AGBL4: variants seen among roughly 807,000 people sequenced by gnomAD.
AGBL4 encodes cytosolic carboxypeptidase 6.
In AGBL4, 58 loss-of-function variants were observed where a neutral mutation model predicts 66.4. The observed-to-expected ratio is 0.87, with a 90% CI of 0.71 to 1.09. The LOEUF (loss-of-function observed/expected upper bound fraction) is 1.09, where lower values mean the gene tolerates loss of function less well. Among genes scored for constraint, AGBL4 ranks in the 50% least tolerant of loss-of-function variants. AGBL4 has a pLI of 0.00. For missense variants in AGBL4, 579 were observed against 631.0 expected, an observed-to-expected ratio of 0.92 and a Z score of 0.88; for synonymous variants, 234 against 222.9, an observed-to-expected ratio of 1.05 and a Z score of -0.44.
At chr1:49,222,220 A>G (rs1451516777) in intron 4 of AGBL4, among the ~76,000 whole-genome samples, 1 of 152,108 alleles carries the variant, frequency 6.6e-6, no homozygotes, top group Non-Finnish European at 1.5e-5. Context: ...TTATTCCACA[A>G]AGCATTTTAG....
At chr1:48,867,292 A>AG in intron 5 of AGBL4, 62 bp from the exon 6 acceptor site, 1 of 1,551,878 alleles carries the variant, frequency 6.4e-7, no homozygotes, top group South Asian at 1.1e-5. Flanking sequence ...TGTGCTTAGC[A>AG]GGTCAGGGCG....
chr1:49,040,054 T>G (rs1340231395), intron 5 of AGBL4, among the ~76,000 whole-genome samples: 1 of 152,058 alleles, frequency 6.6e-6, no homozygotes, highest in African/African-American at 2.4e-5. Flanking sequence ...AAGACAGGCA[T>G]GGTTTGGAGG....
At chr1:49,988,444 C>A (rs1198372371) in intron 1 of AGBL4, among the ~76,000 whole-genome samples, 1 of 152,160 alleles carries the variant, frequency 6.6e-6, no homozygotes, top group Admixed American at 6.5e-5. Context: ...CTTTGCAGAG[C>A]TGCAATAGAG....
intron 5 of AGBL4, among the ~76,000 whole-genome samples, chr1:48,956,275 T>A (rs1657440726): frequency 6.6e-6 from 1 of 152,230 alleles, no homozygotes; most frequent in Admixed American, 6.5e-5. Flanking sequence ...GCCAACTGTT[T>A]ACTTCAATCT....
intron 3 of AGBL4, among the ~76,000 whole-genome samples, chr1:49,281,802 G>A (rs1472868554): frequency 6.6e-6 from 1 of 152,138 alleles, no homozygotes; most frequent in African/African-American, 2.4e-5. Context: ...GTGCTGGGAG[G>A]GTTGCTTGCC....
chr1:49,432,060 G>T (rs76504483), intron 3 of AGBL4, among the ~76,000 whole-genome samples: 12,282 of 152,092 alleles, frequency 0.081, 702 homozygotes, highest in African/African-American at 0.17. Flanking sequence ...ACCCATTTAG[G>T]ATTAAACAAG....
At chr1:49,182,010 T>A (rs774429738) in intron 4 of AGBL4, among the ~76,000 whole-genome samples, 12 of 152,274 alleles carry the variant, frequency 7.9e-5, no homozygotes, top group Admixed American at 3.3e-4. Flanking sequence ...ATCTGGTGGA[T>A]CTTAGCCGCT....
chr1:48,988,757 C>T (rs779792212), intron 5 of AGBL4, among the ~76,000 whole-genome samples: 6 of 152,072 alleles, frequency 3.9e-5, no homozygotes, highest in South Asian at 2.1e-4. Context: ...TAACTCTTCA[C>T]GAAGGCATTC....
rs184817008 is a variant in AGBL4 at position 48,730,930 on chromosome 1, A to T, written c.635-67689T>A. 1.8e-3 allele frequency among the ~76,000 whole-genome samples: 281 copies of T among 152,296 alleles called. 2 individuals carry two copies. The highest frequency in any genetic ancestry group is 2.4e-3 in the Non-Finnish European group (161 of 68,022). On this transcript the variant is annotated intron_variant, in intron 6 of 13. Transcript: ENST00000371839. ...CTGTCATTCTGGAGCTTGTCATTAG[A>T]GCAAGACTCTGCTTCAGCTCTCCTG...
rs144616973 is a variant in AGBL4, at chr1:48,611,855, T to G, written c.952-20870A>C. ...CCTATGGGTTTTAAGAAAATAAGAT[T>G]TTTAAAGCTCCCTAGTCTGAAACAA... On this transcript the variant is annotated intron_variant, in intron 9 of 13. Coordinates refer to ENST00000371839, the MANE Select transcript of AGBL4 (RefSeq NM_032785.4). 5.1e-3 allele frequency among the ~76,000 whole-genome samples: 782 copies of G among 152,340 alleles called. 11 individuals carry two copies. Among genetic ancestry groups the G allele is most frequent in the South Asian group, 0.039 (188 of 4,830 alleles).
intron 6 of AGBL4, among the ~76,000 whole-genome samples, chr1:48,770,642 C>T (rs1372564068): frequency 6.6e-6 from 1 of 152,202 alleles, no homozygotes. Context: ...GCTCTCCTGA[C>T]ATATCCACCC....
At chr1:50,022,075 C>T (rs1054974772) in intron 1 of AGBL4, among the ~76,000 whole-genome samples, 3 of 152,142 alleles carry the variant, frequency 2.0e-5, no homozygotes, top group Non-Finnish European at 4.4e-5. Flanking sequence ...ATTATCCAAT[C>T]CCTATCATAT....
At chr1:49,287,220 G>T (rs1644433822) in intron 3 of AGBL4, among the ~76,000 whole-genome samples, 3 of 136,114 alleles carry the variant, frequency 2.2e-5, no homozygotes, top group African/African-American at 8.4e-5. Flanking sequence ...ATTCAAGATG[G>T]ATTAAAGACT....
chr1:48,959,355 A>G (rs1657763536), intron 5 of AGBL4, among the ~76,000 whole-genome samples: 1 of 152,244 alleles, frequency 6.6e-6, no homozygotes, highest in Non-Finnish European at 1.5e-5. Flanking sequence ...GTAGATGCTC[A>G]ATAAATACTT....
At chr1:49,319,252 T>G (rs941130981) in intron 3 of AGBL4, among the ~76,000 whole-genome samples, 4 of 152,232 alleles carry the variant, frequency 2.6e-5, no homozygotes, top group African/African-American at 9.6e-5. Flanking sequence ...AATGAAGGTA[T>G]GAGTTAAACT....
chr1:48,562,203 C>A (rs980578784), intron 11 of AGBL4, among the ~76,000 whole-genome samples: 21 of 152,144 alleles, frequency 1.4e-4, no homozygotes, highest in African/African-American at 5.1e-4. Context: ...ATATTCTTGG[C>A]TCTGCTGTTG....
At chr1:48,617,840 A>G (rs1286829798) in intron 9 of AGBL4, among the ~76,000 whole-genome samples, 1 of 152,172 alleles carries the variant, frequency 6.6e-6, no homozygotes, top group Admixed American at 6.5e-5. Context: ...CATCTGGGAA[A>G]GGTATGGTGG....
In AGBL4 at chr1:49,968,005, C is replaced by T. The variant is rs140947024; in HGVS notation, c.34+55758G>A. On this transcript the variant is annotated intron_variant, in intron 1 of 13. Transcript: ENST00000371839. ...TTGGGAGACTGAGGCAGGTGGATCA[C>T]CTGAGGTCAGGAGTTCAAGACCAGC... Among the ~76,000 whole-genome samples, 788 of 152,174 alleles carry T rather than the reference C, an allele frequency of 5.2e-3. 6 individuals carry two copies. Among genetic ancestry groups the T allele is most frequent in the Middle Eastern group, 0.017 (5 of 292 alleles).
At chr1:49,940,669 G>A (rs956363139) in intron 1 of AGBL4, among the ~76,000 whole-genome samples, 3 of 152,006 alleles carry the variant, frequency 2.0e-5, no homozygotes, top group Non-Finnish European at 4.4e-5. Flanking sequence ...CATGGACACA[G>A]GAAGGGGAAC....
Sources: gnomAD v4.1 joint callset for allele counts (sites outside exome capture counted in the v4.1 genomes callset) on GRCh38, gnomAD v4.1.1 for gene constraint, MANE v1.5 for transcripts, NCBI Gene and HGNC (gene_info 2026-07-23, HGNC 2026-07-21) for gene names.